CARD10: variants seen among roughly 807,000 people sequenced by gnomAD.
The protein encoded by CARD10 is caspase recruitment domain family member 10.
CARD10 carries 49 observed loss-of-function variants against 114.6 expected under a neutral mutation model. The observed-to-expected ratio is 0.43, with a 90% CI of 0.34 to 0.54. The LOEUF (loss-of-function observed/expected upper bound fraction) is 0.54. CARD10 is among the 20% of genes least tolerant of loss of function. The pLI, the probability that CARD10 is intolerant of heterozygous loss-of-function variation, is 0.03. For missense variants in CARD10, 1,206 were observed against 1,397.2 expected (o/e 0.86, Z 2.18); for synonymous variants, 602 against 593.2 (o/e 1.01, Z -0.21).
chr22:37,495,663 C>T lies in CARD10; in HGVS notation c.2304-77G>A. 1.9e-6 allele frequency: 3 copies of T among 1,610,610 alleles called. No homozygotes were observed. In the Middle Eastern group the frequency reaches 5.0e-4, roughly 266 times the overall value. On this transcript the variant is annotated intron_variant, in intron 14 of 19. Transcript: ENST00000251973. ...TCTCCTCGAACCCCCCGCCCTGTCC[C>T]AGAGGATGGTGAGGGAATGCAGGTG...
At chr22:37,495,111 C>T (rs1922948365) in intron 15 of CARD10, among the ~76,000 whole-genome samples, 2 of 152,262 alleles carry the variant, frequency 1.3e-5, no homozygotes, top group Middle Eastern at 3.4e-3. Context: ...TACAGGCACC[C>T]GCCACCACGC....
In CARD10 at chr22:37,506,264, G is replaced by A. The variant is rs1443233884; in HGVS notation, c.1311C>T (p.Leu437=). ...EAERDELLTT[L]TSLEGTKALL... ...GAGCCTTGGTGCCCTCCAGGCTGGT[G>A]AGCGTTGTCAGCAGCTCATCCCGCT... Residue 437 remains leucine, a synonymous_variant, in exon 7 of 20, where the codon CTC becomes CTT. Coordinates refer to ENST00000251973, the MANE Select transcript of CARD10 (RefSeq NM_014550.4). 6 of 1,609,258 alleles carry A rather than the reference G, an allele frequency of 3.7e-6. No individual in the cohort carries two copies. In the African/African-American group the frequency reaches 5.3e-5, roughly 14 times the overall value.
intron 2 of CARD10, 138 bp from the exon 3 acceptor site, chr22:37,516,436 G>C (rs1455315039): frequency 3.2e-6 from 2 of 625,628 alleles, no homozygotes; most frequent in Non-Finnish European, 5.3e-6. Context: ...TGGGAGCAGG[G>C]GAGGTCTTCC....
At chr22:37,494,065 G>A in intron 16 of CARD10, 21 bp downstream of exon 16, 1 of 1,507,464 alleles carries the variant, frequency 6.6e-7, no homozygotes, top group Non-Finnish European at 9.0e-7. Context: ...ACGGGATACA[G>A]CTTTGCCCCC....
chr22:37,506,511 G>A, intron 6 of CARD10, 128 bp from the exon 7 acceptor site: 2 of 572,524 alleles, frequency 3.5e-6, no homozygotes, highest in Non-Finnish European at 5.8e-6. Context: ...TGTGTGCCGG[G>A]CCCTGAGCTA....
At chr22:37,495,628 GCTC>G (rs773785297) in intron 14 of CARD10, 42 bp from the exon 15 acceptor site, 4 of 1,609,866 alleles carry the variant, frequency 2.5e-6, no homozygotes, top group Non-Finnish European at 3.4e-6. Context: ...AAGAAGGAAA[GCTC>G]CTCATTTCTC....
intron 3 of CARD10, chr22:37,511,860 C>G (rs1923663723): frequency 1.3e-5 from 2 of 152,258 alleles, no homozygotes; most frequent in African/African-American, 4.8e-5. Flanking sequence ...AGCTCCAGTT[C>G]CAGGGTTCAG....
At position 37,519,159 on chromosome 22, in the gene CARD10, G is replaced by GGCCTCCTCCTCGGCCTCCCCC; in HGVS notation, c.21_41dup (p.Glu9_Gly15dup). On this transcript the variant is annotated inframe_insertion, in exon 1 of 20. Transcript: ENST00000251973. The surrounding 1 kb of genome is among the most constrained non-coding windows in gnomAD (Gnocchi z 4.1). ...CCGCCTCAGACCCCGAGCCGGCCCCGGCCTCCTCCTCGGCCTCCCCCGCCT... is the reference window on the plus strand; with the variant it reads ...CCGCCTCAGACCCCGAGCCGGCCCCGGCCTCCTCCTCGGCCTCCCCCGCCTCCTCCTCGGCCTCCCCCGCCT... 1 of 1,540,972 alleles carries GGCCTCCTCCTCGGCCTCCCCC rather than the reference G, an allele frequency of 6.5e-7. No homozygotes were observed. Among genetic ancestry groups the GGCCTCCTCCTCGGCCTCCCCC allele is most frequent in the Non-Finnish European group, 8.7e-7 (1 of 1,149,510 alleles).
At chr22:37,510,899 T>G (rs1923614961) in intron 3 of CARD10, among the ~76,000 whole-genome samples, 5 of 151,796 alleles carry the variant, frequency 3.3e-5, no homozygotes. Flanking sequence ...CTGACCAACA[T>G]GGTGAAACCC....
intron 3 of CARD10, among the ~76,000 whole-genome samples, chr22:37,511,075 C>T (rs1203006946): frequency 5.9e-5 from 7 of 118,534 alleles, no homozygotes; most frequent in Admixed American, 1.8e-4. Context: ...GAGCAAGACT[C>T]TGTCTCAAAA....
chr22:37,513,539 G>A (rs1923733746), intron 3 of CARD10, among the ~76,000 whole-genome samples: 1 of 152,028 alleles, frequency 6.6e-6, no homozygotes, highest in African/African-American at 2.4e-5. Flanking sequence ...GCAGCCCCCA[G>A]ATGGCCACAC....
At chr22:37,511,411 G>T (rs1002563011) in intron 3 of CARD10, among the ~76,000 whole-genome samples, 5 of 131,874 alleles carry the variant, frequency 3.8e-5, no homozygotes, top group African/African-American at 1.6e-4. Flanking sequence ...GGAGGAGGAG[G>T]GGAGGAGGAG....
chr22:37,515,309 T>A (rs1923799886), intron 3 of CARD10, among the ~76,000 whole-genome samples: 1 of 152,126 alleles, frequency 6.6e-6, no homozygotes, highest in African/African-American at 2.4e-5. Flanking sequence ...ACGCCTGTAA[T>A]CCCAGCACTT....
Position 37,496,940 on chromosome 22 carries a change from T to G in CARD10, c.1947+79A>C, listed in dbSNP as rs1024271101. 9 of 1,456,340 alleles carry G rather than the reference T, an allele frequency of 6.2e-6. No individual in the cohort carries two copies. Among genetic ancestry groups the G allele is most frequent in the Non-Finnish European group, 8.3e-6 (9 of 1,084,092 alleles). 90.2% of individuals were successfully genotyped at this position (1,456,340 alleles called of 1,614,324 possible). On this transcript the variant is annotated intron_variant, in intron 12 of 19. Coordinates refer to ENST00000251973, the MANE Select transcript of CARD10 (RefSeq NM_014550.4). The surrounding 1 kb of genome is among the most constrained non-coding windows in gnomAD (Gnocchi z 4.1). ...CCCCAGAAGCTCTGCCCGGTGATCT[T>G]GATCCACCAAATTAAGGGATGTCCA...
At position 37,495,822 on chromosome 22, in the gene CARD10, G is replaced by A. The variant is rs138718133; in HGVS notation, c.2241C>T (p.Cys747=). ...GCAGAGTGAGGGGGTCAACCCGGGT[G>A]CAGAACCATTCCTGCCTCCGCTTGT... is the stretch of plus-strand genomic sequence containing the variant. ...SAYKRRQEWF[C]TRVDPLTLRD... Residue 747 remains cysteine, a synonymous_variant, in exon 14 of 20, where the codon TGC becomes TGT. Coordinates refer to ENST00000251973, the MANE Select transcript of CARD10 (RefSeq NM_014550.4). 82 of 1,613,954 alleles carry A rather than the reference G, an allele frequency of 5.1e-5. No homozygotes were observed. The African/African-American group carries it at 9.9e-4, about 19-fold the overall frequency.
chr22:37,518,832 G>A, intron 1 of CARD10, 134 bp downstream of exon 1: 1 of 1,128,242 alleles, frequency 8.9e-7, no homozygotes, highest in Non-Finnish European at 1.2e-6. Flanking sequence ...GGCATACCCA[G>A]CCGGCCCACT....
At chr22:37,509,643 C>G (rs1426322315) in intron 4 of CARD10, among the ~76,000 whole-genome samples, 2 of 149,332 alleles carry the variant, frequency 1.3e-5, no homozygotes, top group Non-Finnish European at 3.0e-5. Flanking sequence ...GACCTCCCCG[C>G]AGCCTGTGCC....
At chr22:37,505,677 C>A (rs1283575806) in intron 7 of CARD10, among the ~76,000 whole-genome samples, 1 of 151,780 alleles carries the variant, frequency 6.6e-6, no homozygotes, top group Non-Finnish European at 1.5e-5. Context: ...CTCCCGGCAG[C>A]AGCCTGAGGA....
chr22:37,502,823 T>C, intron 10 of CARD10, 98 bp from the exon 11 acceptor site: 1 of 1,429,962 alleles, frequency 7.0e-7, no homozygotes, highest in African/African-American at 1.4e-5. Context: ...CAGAGAGGCC[T>C]TGGCAGGTTT....
Sources: allele counts gnomAD v4.1 joint callset (sites outside exome capture counted in the v4.1 genomes callset), GRCh38; gene constraint gnomAD v4.1.1; non-coding constraint Gnocchi (gnomAD v3.1); transcripts MANE v1.5; gene names NCBI Gene and HGNC (gene_info 2026-07-23, HGNC 2026-07-21).